Variants in UBE2D3 observed in about 807,000 individuals in gnomAD.
The protein encoded by UBE2D3 is ubiquitin conjugating enzyme E2 D3.
Under a neutral mutation model 22.8 loss-of-function variants are expected in UBE2D3, and 2 were observed. The observed-to-expected ratio is 0.09, with a 90% CI of 0.04 to 0.28. The LOEUF (loss-of-function observed/expected upper bound fraction) is 0.28. UBE2D3 is among the 10% of genes least tolerant of loss of function. The probability of loss-of-function intolerance (pLI) is 1.00; values close to 1 mark genes in which losing one functional copy is unlikely to be tolerated. For missense variants in UBE2D3, 27 were observed against 182.5 expected (o/e 0.15, Z 4.91); for synonymous variants, 56 against 60.4 (o/e 0.93, Z 0.34).
intron 2 of UBE2D3, among the ~76,000 whole-genome samples, chr4:102,824,338 T>C (rs1730113587): frequency 1.3e-5 from 2 of 152,228 alleles, no homozygotes; most frequent in African/African-American, 4.8e-5. Flanking sequence ...AAAATAGCAG[T>C]AATAACTAGG....
chr4:102,839,586 A>G (rs1412489129), intron 1 of UBE2D3, among the ~76,000 whole-genome samples: 1 of 152,220 alleles, frequency 6.6e-6, no homozygotes, highest in Admixed American at 6.5e-5. Flanking sequence ...ATGATTTTGA[A>G]TAAGGCATTT....
chr4:102,863,659 A>G (rs1733008000), intron 1 of UBE2D3, among the ~76,000 whole-genome samples: 1 of 151,644 alleles, frequency 6.6e-6, no homozygotes, highest in South Asian at 2.1e-4. Context: ...ACACCTGGCT[A>G]ATTTTTGTAT....
intron 1 of UBE2D3, among the ~76,000 whole-genome samples, chr4:102,846,619 ATAGG>A (rs979568589): frequency 1.3e-5 from 2 of 152,062 alleles, no homozygotes; most frequent in African/African-American, 2.4e-5. Flanking sequence ...GGAGGCACTA[ATAGG>A]TAGTAGGGTA....
chr4:102,824,703 G>A (rs1730185206), intron 2 of UBE2D3, among the ~76,000 whole-genome samples: 1 of 152,146 alleles, frequency 6.6e-6, no homozygotes, highest in African/African-American at 2.4e-5. Context: ...TTCCTTTAAC[G>A]TGTTCTGTTC....
chr4:102,853,158 T>TTTTTTTTTTTTTTTTTC, intron 1 of UBE2D3, among the ~76,000 whole-genome samples: 1 of 137,004 alleles, frequency 7.3e-6, no homozygotes, highest in Non-Finnish European at 1.5e-5. Context: ...TTTTTTTTTT[T>TTTTTTTTTTTTTTTTTC]TTGAGACGGA....
At position 102,798,658 on chromosome 4, in the gene UBE2D3, T is replaced by C. The variant is rs573017827; in HGVS notation, c.398+749A>G. On this transcript the variant is annotated intron_variant, in intron 7 of 7. Transcript: ENST00000453744. ...GTCTCAAGCTAAAATTTAAACACCA[T>C]GATAGTTTGAAAAAAAAAAAAGATA... Among the ~76,000 whole-genome samples, 4 of 150,388 alleles carry C rather than the reference T, an allele frequency of 2.7e-5. No individual in the cohort carries two copies. The East Asian group carries it at 7.8e-4, about 29-fold the overall frequency.
At chr4:102,833,144 GTT>G (rs11329227) in intron 1 of UBE2D3, among the ~76,000 whole-genome samples, 2 of 146,662 alleles carry the variant, frequency 1.4e-5, no homozygotes, top group Non-Finnish European at 1.5e-5. Context: ...TGTGCTACAT[GTT>G]TTTTTTTTTT....
intron 1 of UBE2D3, among the ~76,000 whole-genome samples, chr4:102,846,424 T>C (rs1324015896): frequency 6.6e-6 from 1 of 152,232 alleles, no homozygotes; most frequent in Non-Finnish European, 1.5e-5. Context: ...AAATATTAAC[T>C]CTTGATTCTT....
intron 1 of UBE2D3, among the ~76,000 whole-genome samples, chr4:102,862,396 T>C (rs992264587): frequency 3.3e-5 from 5 of 152,040 alleles, no homozygotes; most frequent in African/African-American, 9.7e-5. Context: ...CCCCAACCTA[T>C]AGTCCACTGT....
At chr4:102,816,740 T>G (rs1390734038) in intron 2 of UBE2D3, among the ~76,000 whole-genome samples, 1 of 152,214 alleles carries the variant, frequency 6.6e-6, no homozygotes, top group African/African-American at 2.4e-5. Flanking sequence ...ACTTTCACAC[T>G]GGAGGTTAAT....
At chr4:102,838,904 G>C (rs1203159747) in intron 1 of UBE2D3, among the ~76,000 whole-genome samples, 1 of 150,110 alleles carries the variant, frequency 6.7e-6, no homozygotes, top group Non-Finnish European at 1.5e-5. Context: ...GATGATACAA[G>C]AGGAGAGTTT....
chr4:102,827,949 A>T (rs1730850757), upstream of UBE2D3: 1 of 985,528 alleles, frequency 1.0e-6, no homozygotes, highest in Admixed American at 6.1e-5. Flanking sequence ...CTCACTTGGT[A>T]TCGAGGAGAC....
At chr4:102,821,773 T>C (rs1359987332) in intron 2 of UBE2D3, among the ~76,000 whole-genome samples, 2 of 152,238 alleles carry the variant, frequency 1.3e-5, no homozygotes, top group Non-Finnish European at 2.9e-5. Flanking sequence ...CATAAATATA[T>C]ACACCAACTA....
intron 1 of UBE2D3, among the ~76,000 whole-genome samples, chr4:102,844,523 T>A (rs1731937288): frequency 6.6e-6 from 1 of 152,176 alleles, no homozygotes; most frequent in African/African-American, 2.4e-5. Flanking sequence ...AAATAAAGAT[T>A]GTTGTTAAAA....
Position 102,860,047 on chromosome 4 carries a change from C to T in UBE2D3, c.-129+8668G>A, listed in dbSNP as rs1368047636. Among the ~76,000 whole-genome samples, 6 of 152,174 alleles carry T rather than the reference C, an allele frequency of 3.9e-5. No homozygotes were observed. The South Asian group carries it at 1.0e-3, about 26-fold the overall frequency. On this transcript the variant is annotated intron_variant, in intron 1 of 7. Transcript: ENST00000338145. ...TAATTTTAGTAGAGACGGCGTTTCA[C>T]CATGTTAGCCAGGATGGTCTCGATC...
At chr4:102,844,335 C>T (rs1731927371) in intron 1 of UBE2D3, among the ~76,000 whole-genome samples, 1 of 152,124 alleles carries the variant, frequency 6.6e-6, no homozygotes, top group African/African-American at 2.4e-5. Context: ...GCCTTGGTCC[C>T]CCTAAGTGCT....
chr4:102,822,904 C>G (rs1317824974), intron 2 of UBE2D3, among the ~76,000 whole-genome samples: 2 of 148,130 alleles, frequency 1.4e-5, no homozygotes, highest in Non-Finnish European at 3.0e-5. Flanking sequence ...CCACTGCACT[C>G]CAGCCTGGGT....
At chr4:102,823,319 T>C (rs1026141906) in intron 2 of UBE2D3, among the ~76,000 whole-genome samples, 2 of 152,194 alleles carry the variant, frequency 1.3e-5, no homozygotes, top group African/African-American at 4.8e-5. Flanking sequence ...TTAACCTCTA[T>C]GCCTAAGTTT....
chr4:102,850,848 A>T (rs868861020), intron 1 of UBE2D3, among the ~76,000 whole-genome samples: 14 of 152,026 alleles, frequency 9.2e-5, no homozygotes, highest in African/African-American at 3.1e-4. Context: ...ACCAAACATC[A>T]TTATGTTCTC....
Sources: gnomAD v4.1 joint callset for allele counts (sites outside exome capture counted in the v4.1 genomes callset) on GRCh38, gnomAD v4.1.1 for gene constraint, MANE v1.5 for transcripts, NCBI Gene and HGNC (gene_info 2026-07-23, HGNC 2026-07-21) for gene names.